Variants in NEBL observed in about 807,000 individuals in gnomAD.
NEBL encodes the protein LIM and SH3 protein 2.
A neutral mutation model predicts 140.2 loss-of-function variants in NEBL; 122 were observed. The observed-to-expected ratio is 0.87, with a 90% CI of 0.75 to 1.01. The LOEUF (loss-of-function observed/expected upper bound fraction) is 1.01, where lower values mean the gene tolerates loss of function less well. Among genes scored for constraint, NEBL ranks in the 50% least tolerant of loss-of-function variants. NEBL has a pLI of 0.00. For synonymous variants in NEBL, 436 were observed against 398.9 expected, an observed-to-expected ratio of 1.09 and a Z score of -1.11; for missense variants, 1,365 against 1,231.3, an observed-to-expected ratio of 1.11 and a Z score of -1.62.
chr10:21,208,516 A>C (rs1383536414), intron 3 of NEBL, among the ~76,000 whole-genome samples: 2 of 152,208 alleles, frequency 1.3e-5, no homozygotes, highest in South Asian at 2.1e-4. Context: ...TTCTCTAATT[A>C]ATTTTATAAA....
At chr10:21,127,335 T>A (rs1564520725) in intron 2 of NEBL, among the ~76,000 whole-genome samples, 1 of 152,162 alleles carries the variant, frequency 6.6e-6, no homozygotes, top group African/African-American at 2.4e-5. Context: ...GAAAGAATGA[T>A]GGAATTAAAA....
intron 3 of NEBL, among the ~76,000 whole-genome samples, chr10:21,227,496 G>A (rs559676649): frequency 2.6e-4 from 40 of 152,294 alleles, no homozygotes; most frequent in African/African-American, 8.9e-4. Flanking sequence ...ATGGTTTCCC[G>A]ATAAAAGGAA....
chr10:21,174,041 C>T, exon 1 of NEBL: 1 of 1,131,650 alleles, frequency 8.8e-7, no homozygotes, highest in Non-Finnish European at 1.1e-6. Context: ...CTCTCGGGCT[C>T]GCAGGCGCTG....
intron 2 of NEBL, among the ~76,000 whole-genome samples, chr10:21,093,150 C>CTTTTTTT (rs4025884): frequency 1.1e-5 from 1 of 95,038 alleles, no homozygotes; most frequent in Non-Finnish European, 2.0e-5. Context: ...AGCAACAAGT[C>CTTTTTTT]TTTTTTTTTT....
intron 4 of NEBL, among the ~76,000 whole-genome samples, chr10:20,950,515 T>C (rs558003928): frequency 6.6e-6 from 1 of 152,194 alleles, no homozygotes; most frequent in African/African-American, 2.4e-5. Flanking sequence ...GAGGCCCTCA[T>C]GCATCCTAGG....
intron 3 of NEBL, among the ~76,000 whole-genome samples, chr10:20,988,146 T>C (rs934217856): frequency 3.3e-5 from 5 of 152,162 alleles, no homozygotes; most frequent in African/African-American, 1.2e-4. Context: ...AATCTCTTCC[T>C]ACTCTGCGTT....
intron 3 of NEBL, among the ~76,000 whole-genome samples, chr10:21,229,284 G>T (rs992525510): frequency 6.6e-6 from 1 of 152,142 alleles, no homozygotes; most frequent in Non-Finnish European, 1.5e-5. Context: ...ATCCAGGCAT[G>T]GAAGTGTGCA....
chr10:21,174,080 C>A (rs1841216304), exon 1 of NEBL: 3 of 1,060,962 alleles, frequency 2.8e-6, no homozygotes, highest in Non-Finnish European at 2.3e-6. Context: ...GGCTCCGCGC[C>A]GCTGGCTCTG....
chr10:20,997,438 C>T lies in NEBL; in HGVS notation c.249+22679G>A, dbSNP rs148899177. On this transcript the variant is annotated intron_variant, in intron 3 of 6. Transcript: ENST00000417816. ...CATTAGGTACCCCCATCCCTACAGC[C>T]GCAAACCACACCAAATAAACGCACA... 5.3e-3 allele frequency among the ~76,000 whole-genome samples: 701 copies of T among 131,232 alleles called. 8 individuals carry two copies. Among genetic ancestry groups the T allele is most frequent in the African/African-American group, 0.018 (646 of 35,252 alleles). The allele number at this position is 131,232 out of a possible 152,430, so 86.1% of individuals were successfully genotyped here.
At chr10:20,921,293 C>A (rs1178452974) in intron 4 of NEBL, among the ~76,000 whole-genome samples, 1 of 152,152 alleles carries the variant, frequency 6.6e-6, no homozygotes, top group African/African-American at 2.4e-5. Flanking sequence ...TTGCCTCCGG[C>A]CCAGCTCCAT....
chr10:21,181,789 C>G (rs1328117015), intron 3 of NEBL, among the ~76,000 whole-genome samples: 1 of 152,238 alleles, frequency 6.6e-6, no homozygotes, highest in Non-Finnish European at 1.5e-5. Context: ...TCCTGCTTCT[C>G]TTGGCATCTT....
chr10:20,991,080 T>C (rs1837437899), intron 3 of NEBL, among the ~76,000 whole-genome samples: 1 of 152,220 alleles, frequency 6.6e-6, no homozygotes, highest in African/African-American at 2.4e-5. Flanking sequence ...GGCTATAATT[T>C]AATAAACAAA....
At chr10:20,869,638 T>C in intron 6 of NEBL, 102 bp downstream of exon 6, 1 of 779,506 alleles carries the variant, frequency 1.3e-6, no homozygotes, top group Middle Eastern at 2.3e-4. Context: ...TTATATTGAT[T>C]AGTTACACTA....
rs11353377 is a variant in NEBL at position 21,097,219 on chromosome 10, C to CG, written c.164+75163dup. ...TGTAATCCCAGCACTTTGGGAGGTC[C>CG]GGGGGGGGGGTGGGGCAGATCACAA... On this transcript the variant is annotated intron_variant, in intron 2 of 6. Transcript: ENST00000417816. 6.1e-3 allele frequency among the ~76,000 whole-genome samples: 535 copies of CG among 87,054 alleles called. 13 individuals carry two copies. The highest frequency in any genetic ancestry group is 0.02 in the African/African-American group (323 of 16,340). 57.1% of individuals were successfully genotyped at this position (87,054 alleles called of 152,430 possible). A position where few individuals can be genotyped will look rare whatever the true frequency, so the allele number is the denominator to read the frequency against.
intron 2 of NEBL, among the ~76,000 whole-genome samples, chr10:21,066,382 C>A (rs926450682): frequency 1.3e-5 from 2 of 152,004 alleles, no homozygotes; most frequent in Non-Finnish European, 2.9e-5. Flanking sequence ...AAGATGATAG[C>A]AATTCGTTGT....
chr10:21,216,519 TC>T (rs1841994750), intron 3 of NEBL, among the ~76,000 whole-genome samples: 1 of 152,212 alleles, frequency 6.6e-6, no homozygotes, highest in Middle Eastern at 3.4e-3. Flanking sequence ...AAGCCTGTAA[TC>T]CTAGCACTTT....
At chr10:20,853,522 C>T (rs919518095) in intron 9 of NEBL, among the ~76,000 whole-genome samples, 1 of 152,174 alleles carries the variant, frequency 6.6e-6, no homozygotes. Flanking sequence ...ATGGATGGAA[C>T]TGGAGGTCAT....
In NEBL at chr10:21,236,759, T is replaced by C. The variant is rs944074409; in HGVS notation, n.348+11162A>G. ...AGGCCCCAAAATGAACCCCAAACTC[T>C]TTCTAGACTCATAAACACTGCACCA... is the stretch of plus-strand genomic sequence containing the variant. On this transcript the variant is annotated intron_variant and non_coding_transcript_variant, in intron 3 of 8. Transcript: ENST00000675702. Among the ~76,000 whole-genome samples, 5 of 152,144 alleles carry C rather than the reference T, an allele frequency of 3.3e-5. No homozygotes were observed. In the East Asian group the frequency reaches 5.8e-4, roughly 18 times the overall value.
intron 19 of NEBL, among the ~76,000 whole-genome samples, chr10:20,820,354 A>G (rs539980501): frequency 1.4e-4 from 21 of 152,346 alleles, no homozygotes; most frequent in African/African-American, 4.1e-4. Context: ...ATGAGCATCA[A>G]TAGAGAAAAT....
Sources: gnomAD v4.1 joint callset for allele counts (sites outside exome capture counted in the v4.1 genomes callset) on GRCh38, gnomAD v4.1.1 for gene constraint, MANE v1.5 for transcripts, NCBI Gene and HGNC (gene_info 2026-07-23, HGNC 2026-07-21) for gene names.